The following MAD1L1 variants were observed in gnomAD, a reference collection of about 807,000 sequenced individuals.
MAD1L1 encodes the protein mitotic spindle assembly checkpoint protein MAD1.
MAD1L1 carries 95 observed loss-of-function variants against 96.9 expected under a neutral mutation model. The ratio of observed to expected loss-of-function variants is 0.98; its 90% CI spans 0.83 to 1.16. The LOEUF (loss-of-function observed/expected upper bound fraction) is 1.16. MAD1L1 is among the 50% of genes most tolerant of loss of function. MAD1L1 has a pLI of 0.00. For synonymous variants in MAD1L1, 473 were observed against 396.6 expected, an observed-to-expected ratio of 1.19 and a Z score of -2.29; for missense variants, 1,007 against 954.4, an observed-to-expected ratio of 1.06 and a Z score of -0.73.
At chr7:2,152,773 G>A (rs556319199) in intron 10 of MAD1L1, among the ~76,000 whole-genome samples, 31 of 152,238 alleles carry the variant, frequency 2.0e-4, no homozygotes, top group African/African-American at 5.3e-4. Flanking sequence ...TCCCTATGCC[G>A]TTAACTTTAT....
At chr7:2,127,522 G>A (rs993579709) in intron 11 of MAD1L1, among the ~76,000 whole-genome samples, 2 of 152,144 alleles carry the variant, frequency 1.3e-5, no homozygotes, top group Non-Finnish European at 2.9e-5. Context: ...CACACCGACC[G>A]GTAGGAAAGA....
chr7:1,880,779 C>G (rs1237812409), intron 18 of MAD1L1, among the ~76,000 whole-genome samples: 1 of 152,200 alleles, frequency 6.6e-6, no homozygotes, highest in Admixed American at 6.5e-5. Flanking sequence ...CCTGTGGAGG[C>G]AGGGATCTCA....
intron 11 of MAD1L1, among the ~76,000 whole-genome samples, chr7:2,116,739 A>T (rs937806270): frequency 2.6e-5 from 4 of 152,198 alleles, no homozygotes; most frequent in African/African-American, 9.6e-5. Context: ...ACCAGACCCA[A>T]CGGGGAGGAA....
intron 18 of MAD1L1, among the ~76,000 whole-genome samples, chr7:1,892,576 C>T (rs1233393155): frequency 6.6e-6 from 1 of 152,224 alleles, no homozygotes; most frequent in Non-Finnish European, 1.5e-5. Context: ...CTTTGAGTGA[C>T]AGACCCACAA....
chr7:1,863,523 C>A (rs73046358), intron 18 of MAD1L1, among the ~76,000 whole-genome samples: 6 of 152,212 alleles, frequency 3.9e-5, no homozygotes, highest in Admixed American at 6.5e-5. Context: ...GCTGAAGGCC[C>A]GGGAGCCAGT....
intron 12 of MAD1L1, among the ~76,000 whole-genome samples, chr7:2,046,951 G>A (rs1414056544): frequency 6.6e-6 from 1 of 152,196 alleles, no homozygotes; most frequent in African/African-American, 2.4e-5. Flanking sequence ...TGGGCTGAGC[G>A]CACCCACTCA....
At chr7:1,960,029 A>G (rs963333604) in intron 15 of MAD1L1, among the ~76,000 whole-genome samples, 1 of 152,244 alleles carries the variant, frequency 6.6e-6, no homozygotes, top group African/African-American at 2.4e-5. Flanking sequence ...TGACAACAGT[A>G]TAAAGGCTGG....
chr7:2,208,705 C>G (rs1453886448), intron 10 of MAD1L1, among the ~76,000 whole-genome samples: 1 of 152,198 alleles, frequency 6.6e-6, no homozygotes, highest in Non-Finnish European at 1.5e-5. Flanking sequence ...AGCAAGCATC[C>G]TGCATTCCCA....
chr7:2,179,216 C>A (rs565074458), intron 10 of MAD1L1, among the ~76,000 whole-genome samples: 40 of 152,268 alleles, frequency 2.6e-4, no homozygotes, highest in African/African-American at 9.1e-4. Context: ...CCCCACACCA[C>A]AACTCCATGG....
chr7:1,862,414 A>T lies in MAD1L1; in HGVS notation c.1998+35786T>A, dbSNP rs1403953552. The stretch of plus-strand genomic sequence containing the variant: ...CCTCATGTCCCTGTCCTGTGCATGA[A>T]GTCTGGTGGGGACCCCAGAGGCAGG... On this transcript the variant is annotated intron_variant, in intron 18 of 18. Transcript: ENST00000265854. 2.6e-5 allele frequency among the ~76,000 whole-genome samples: 4 copies of T among 152,340 alleles called. No homozygotes were observed. The East Asian group carries it at 7.7e-4, about 29-fold the overall frequency.
At chr7:2,098,680 T>C (rs1562685168) in intron 11 of MAD1L1, among the ~76,000 whole-genome samples, 1 of 152,178 alleles carries the variant, frequency 6.6e-6, no homozygotes, top group Non-Finnish European at 1.5e-5. Context: ...AAGAGCCGCC[T>C]GCTGCCACTG....
rs60466584 is a variant in MAD1L1 at position 2,038,498 on chromosome 7, C to CTTTTTTTTTTTTTTTTTTTTTTTTT, written c.1219-23881_1219-23857dup. On this transcript the variant is annotated intron_variant, in intron 12 of 18. Coordinates refer to ENST00000265854, the MANE Select transcript of MAD1L1 (RefSeq NM_001013836.2). ...TGTTAGGAGATAATGAAGCTGATGA[C>CTTTTTTTTTTTTTTTTTTTTTTTTT]TTTTTTTTTTTTTTTTTTTTTTTTT... 3.2e-5 allele frequency among the ~76,000 whole-genome samples: 3 copies of CTTTTTTTTTTTTTTTTTTTTTTTTT among 92,826 alleles called. 1 individual carries two copies. Among genetic ancestry groups the CTTTTTTTTTTTTTTTTTTTTTTTTT allele is most frequent in the Non-Finnish European group, 2.2e-5 (1 of 46,294 alleles). 60.9% of individuals were successfully genotyped at this position (92,826 alleles called of 152,430 possible). A position where few individuals can be genotyped will look rare whatever the true frequency, so the allele number is the denominator to read the frequency against.
In MAD1L1 at chr7:1,857,366, G is replaced by A. The variant is rs900596072; in HGVS notation, c.1998+40834C>T. Among the ~76,000 whole-genome samples, 60 of 152,132 alleles carry A rather than the reference G, an allele frequency of 3.9e-4. 1 individual carries two copies. Among genetic ancestry groups the A allele is most frequent in the African/African-American group, 1.4e-3 (57 of 41,432 alleles). ...GCGGCACAAGGTAGGGCTGCCTGCC[G>A]GTGTCCTGGTCATGCCCCGGGAGGC... On this transcript the variant is annotated intron_variant, in intron 18 of 18. Transcript: ENST00000265854.
At chr7:1,903,981 A>T (rs1474312941) in intron 17 of MAD1L1, among the ~76,000 whole-genome samples, 1 of 124,078 alleles carries the variant, frequency 8.1e-6, no homozygotes, top group Non-Finnish European at 1.8e-5. Flanking sequence ...ATGATTGATG[A>T]AGCACTGTTC....
intron 14 of MAD1L1, among the ~76,000 whole-genome samples, chr7:2,001,023 C>T (rs1284146345): frequency 6.6e-6 from 1 of 152,254 alleles, no homozygotes; most frequent in Non-Finnish European, 1.5e-5. Context: ...CATGGCCGCA[C>T]CCACAACCGC....
At chr7:1,975,510 C>T (rs1780595886) in intron 15 of MAD1L1, among the ~76,000 whole-genome samples, 2 of 152,244 alleles carry the variant, frequency 1.3e-5, no homozygotes, top group African/African-American at 2.4e-5. Context: ...AAGATCAACC[C>T]ACTGCCCTAG....
At chr7:1,922,105 C>T (rs972018031) in intron 17 of MAD1L1, among the ~76,000 whole-genome samples, 15 of 152,236 alleles carry the variant, frequency 9.9e-5, no homozygotes, top group African/African-American at 2.7e-4. Flanking sequence ...AGCCAGCAGC[C>T]GACTACAGAC....
chr7:1,877,636 C>A (rs1057071410), intron 18 of MAD1L1, among the ~76,000 whole-genome samples: 1 of 151,952 alleles, frequency 6.6e-6, no homozygotes, highest in African/African-American at 2.4e-5. Flanking sequence ...ATGTTATCTT[C>A]AAAAAATCCA....
At chr7:1,979,792 A>T (rs1183228945) in intron 15 of MAD1L1, among the ~76,000 whole-genome samples, 1 of 151,912 alleles carries the variant, frequency 6.6e-6, no homozygotes. Context: ...TCTGAGCCAC[A>T]CTCCCGTGCA....
Sources: allele counts gnomAD v4.1 joint callset (sites outside exome capture counted in the v4.1 genomes callset), GRCh38; gene constraint gnomAD v4.1.1; transcripts MANE v1.5; gene names NCBI Gene and HGNC (gene_info 2026-07-23, HGNC 2026-07-21).